DAPK2: variants seen among roughly 807,000 people sequenced by gnomAD.
DAPK2 encodes death-associated protein kinase 2.
DAPK2 carries 35 observed loss-of-function variants against 44.1 expected under a neutral mutation model. That is an observed-to-expected ratio of 0.79 (90% CI 0.61 to 1.05). The LOEUF (loss-of-function observed/expected upper bound fraction) is 1.05. Among genes scored for constraint, DAPK2 ranks in the 50% least tolerant of loss-of-function variants. DAPK2 has a pLI of 0.00. For synonymous variants in DAPK2, 174 were observed against 182.6 expected, an observed-to-expected ratio of 0.95 and a Z score of 0.38; for missense variants, 453 against 483.2, an observed-to-expected ratio of 0.94 and a Z score of 0.59.
chr15:64,028,928 T>A (rs897053198), intron 1 of DAPK2, among the ~76,000 whole-genome samples: 6 of 152,154 alleles, frequency 3.9e-5, no homozygotes, highest in African/African-American at 9.7e-5. Flanking sequence ...AACTTTTTTT[T>A]ATCACATTTC....
chr15:63,968,444 G>A (rs541822719), intron 3 of DAPK2, among the ~76,000 whole-genome samples: 1 of 152,266 alleles, frequency 6.6e-6, no homozygotes, highest in African/African-American at 2.4e-5. Flanking sequence ...AGCCTCACCA[G>A]CCCTCGCCAG....
At chr15:64,040,872 C>T (rs1430207204), upstream of DAPK2, among the ~76,000 whole-genome samples, 1 of 138,774 alleles carries the variant, frequency 7.2e-6, no homozygotes, top group African/African-American at 2.7e-5. Context: ...CAAGATCACA[C>T]CACTGCACTC....
chr15:64,021,167 C>T (rs79473980), intron 1 of DAPK2, among the ~76,000 whole-genome samples: 1 of 152,194 alleles, frequency 6.6e-6, no homozygotes, highest in African/African-American at 2.4e-5. Flanking sequence ...GGCATCTTCT[C>T]CTGGAAGTAG....
intron 6 of DAPK2, among the ~76,000 whole-genome samples, chr15:63,927,837 G>A (rs1034105246): frequency 2.0e-5 from 3 of 151,822 alleles, no homozygotes; most frequent in African/African-American, 4.8e-5. Context: ...GGGCTCAAGC[G>A]ATCCTCCAGC....
Position 63,980,818 on chromosome 15 carries a change from G to A in DAPK2, c.314+2715C>T, listed in dbSNP as rs750217356. 1.3e-5 allele frequency among the ~76,000 whole-genome samples: 2 copies of A among 152,154 alleles called. No individual in the cohort carries two copies. The highest frequency in any genetic ancestry group is 2.9e-5 in the Non-Finnish European group (2 of 68,010). On this transcript the variant is annotated intron_variant, in intron 2 of 10. Coordinates refer to ENST00000261891, the Ensembl canonical transcript of DAPK2. The surrounding 1 kb of genome is among the most constrained non-coding windows in gnomAD (Gnocchi z 4.3). ...TTAAGACGTGATTGGGTCGGGGTGC[G>A]GTGGCTCACGCCTGTAATCCCAACG...
intron 3 of DAPK2, among the ~76,000 whole-genome samples, chr15:63,948,467 C>A (rs529682921): frequency 6.6e-5 from 10 of 151,820 alleles, no homozygotes; most frequent in Admixed American, 4.6e-4. Flanking sequence ...GTGCCTCACA[C>A]TTTTAAACAA....
intron 4 of DAPK2, among the ~76,000 whole-genome samples, chr15:63,938,425 T>C (rs1187961308): frequency 6.6e-6 from 1 of 152,222 alleles, no homozygotes; most frequent in Non-Finnish European, 1.5e-5. Context: ...CTGAGCAGCA[T>C]TCTACGGTGG....
At chr15:64,037,598 C>A (rs898458913) in intron 1 of DAPK2, among the ~76,000 whole-genome samples, 1 of 152,138 alleles carries the variant, frequency 6.6e-6, no homozygotes, top group Non-Finnish European at 1.5e-5. Flanking sequence ...GCGTGGCACA[C>A]AGTAGGTCCT....
chr15:63,913,474 C>T (rs1359154378), intron 8 of DAPK2, among the ~76,000 whole-genome samples: 1 of 152,168 alleles, frequency 6.6e-6, no homozygotes, highest in African/African-American at 2.4e-5. Context: ...AAATGAACTG[C>T]CTAGAATGAT....
chr15:63,988,637 T>C (rs1218534657), intron 1 of DAPK2, among the ~76,000 whole-genome samples: 1 of 151,672 alleles, frequency 6.6e-6, no homozygotes, highest in African/African-American at 2.4e-5. Context: ...CCTGAGTAGC[T>C]TGGATTACAG....
upstream of DAPK2, among the ~76,000 whole-genome samples, chr15:64,042,780 G>A (rs1245123192): frequency 6.6e-6 from 1 of 152,184 alleles, no homozygotes. The surrounding 1 kb of genome is among the most constrained non-coding windows in gnomAD (Gnocchi z 4.7). Flanking sequence ...GCTGAAGTGG[G>A]GCCCTTGCCA....
chr15:63,928,186 C>T (rs1415759138), intron 6 of DAPK2: 2 of 152,524 alleles, frequency 1.3e-5, no homozygotes, highest in African/African-American at 2.4e-5. Flanking sequence ...GATACTAAGT[C>T]CCTACCCCTA....
At position 63,980,386 on chromosome 15, in the gene DAPK2, G is replaced by A. The variant is rs1423163608; in HGVS notation, c.314+3147C>T. Among the ~76,000 whole-genome samples, 1 of 152,190 alleles carries A rather than the reference G, an allele frequency of 6.6e-6. No individual in the cohort carries two copies. The highest frequency in any genetic ancestry group is 2.4e-5 in the African/African-American group (1 of 41,446). Reference sequence around the variant, plus strand: ...TATAGTAAGAAAGTATCAATTTATAGCTATAAAGATCAATAAATAATGAAA... The same window carrying A: ...TATAGTAAGAAAGTATCAATTTATAACTATAAAGATCAATAAATAATGAAA... On this transcript the variant is annotated intron_variant, in intron 2 of 10. Transcript: ENST00000261891. The surrounding 1 kb of genome is among the most constrained non-coding windows in gnomAD (Gnocchi z 4.3).
At chr15:63,928,309 G>A (rs954764917) in intron 6 of DAPK2, 17 of 152,258 alleles carry the variant, frequency 1.1e-4, no homozygotes, top group African/African-American at 3.4e-4. Context: ...GATCCACCAC[G>A]TCACACAGGG....
In DAPK2 at chr15:63,966,048, C is replaced by G. The variant is rs1001219980; in HGVS notation, c.453+5375G>C. On this transcript the variant is annotated intron_variant, in intron 3 of 10. Transcript: ENST00000261891. This position sits in a 1 kb window ranked among gnomAD's most constrained non-coding sequence, Gnocchi z 5.5. ...ACAGCTGGGAATGTGCTGGGTCACA[C>G]CTGAAGCCAGCATGTCTCTGAGTGC... 6.6e-6 allele frequency among the ~76,000 whole-genome samples: 1 copy of G among 152,234 alleles called. No individual in the cohort carries two copies. The highest frequency in any genetic ancestry group is 6.5e-5 in the Admixed American group (1 of 15,288).
At chr15:63,914,488 G>T (rs58604450) in intron 8 of DAPK2, among the ~76,000 whole-genome samples, 12,155 of 152,186 alleles carry the variant, frequency 0.08, 705 homozygotes, top group African/African-American at 0.17. Context: ...CTGTGCACCT[G>T]CAAGCCCAGC....
At chr15:64,016,404 C>G (rs1674427482) in intron 1 of DAPK2, among the ~76,000 whole-genome samples, 1 of 152,210 alleles carries the variant, frequency 6.6e-6, no homozygotes, top group African/African-American at 2.4e-5. Flanking sequence ...CCCAGGGTGA[C>G]TTGGGATATG....
chr15:64,027,758 T>C (rs186218775), intron 1 of DAPK2, among the ~76,000 whole-genome samples: 84 of 152,298 alleles, frequency 5.5e-4, no homozygotes, highest in African/African-American at 2.0e-3. Context: ...TAAAAGAGTA[T>C]TGGCAAAGCC....
At chr15:63,963,635 C>T (rs1217739891) in intron 3 of DAPK2, among the ~76,000 whole-genome samples, 1 of 152,064 alleles carries the variant, frequency 6.6e-6, no homozygotes. Context: ...TCTTTCCGTC[C>T]TTCCTGTCTT....
Sources: gnomAD v4.1 joint callset for allele counts (sites outside exome capture counted in the v4.1 genomes callset) on GRCh38, gnomAD v4.1.1 for gene constraint, Gnocchi (gnomAD v3.1) non-coding constraint, MANE v1.5 for transcripts, NCBI Gene and HGNC (gene_info 2026-07-23, HGNC 2026-07-21) for gene names.